Variants in EZH1 observed in about 807,000 individuals in gnomAD.
The protein encoded by EZH1 is enhancer of zeste 1 polycomb repressive complex 2 subunit, also known as histone-lysine N-methyltransferase EZH1.
EZH1 carries 33 observed loss-of-function variants against 100.5 expected under a neutral mutation model. The ratio of observed to expected loss-of-function variants is 0.33; its 90% CI spans 0.25 to 0.44. EZH1 has a LOEUF of 0.44. Among genes scored for constraint, EZH1 ranks in the 20% least tolerant of loss-of-function variants. The probability of loss-of-function intolerance (pLI) is 1.00; values close to 1 mark genes in which losing one functional copy is unlikely to be tolerated. For synonymous variants in EZH1, 272 were observed against 313.8 expected, an observed-to-expected ratio of 0.87 and a Z score of 1.41; for missense variants, 475 against 928.4, an observed-to-expected ratio of 0.51 and a Z score of 6.35.
At chr17:42,736,722 T>C (rs950713522) in intron 1 of EZH1, among the ~76,000 whole-genome samples, 3 of 151,446 alleles carry the variant, frequency 2.0e-5, no homozygotes, top group African/African-American at 7.3e-5. Flanking sequence ...TAGTCTCAGC[T>C]GCTTGGAGGC....
intron 1 of EZH1, among the ~76,000 whole-genome samples, chr17:42,738,456 T>TTTG (rs2054110667): frequency 6.6e-6 from 1 of 151,322 alleles, no homozygotes; most frequent in Non-Finnish European, 1.5e-5. Context: ...TTTGTATTTA[T>TTTG]TATTATTTTT....
chr17:42,703,564 G>T, intron 19 of EZH1, 176 bp downstream of exon 19: 1 of 607,132 alleles, frequency 1.6e-6, no homozygotes. Context: ...TGTATTCGCT[G>T]AAAAAAGCAG....
chr17:42,730,797 AG>A, intron 2 of EZH1, 30 bp downstream of exon 2: 3 of 964,772 alleles, frequency 3.1e-6, no homozygotes, highest in Non-Finnish European at 3.7e-6. Flanking sequence ...CGCCCGGCCA[AG>A]AAGTATGTAT....
In EZH1 at chr17:42,713,375, C is replaced by A. The variant is rs2053527809; in HGVS notation, c.1038G>T (p.Glu346Asp). 1 of 1,599,956 alleles carries A rather than the reference C, an allele frequency of 6.3e-7. No homozygotes were observed. ...DCFLLLEGAKEYAMLHNPRSK... is the reference protein window; with the variant it reads ...DCFLLLEGAKDYAMLHNPRSK... ...AGCGGGGGTTGTGGAGCATGGCATA[C>A]TCCTTTGCTCCTTCCTGCAGTGGAC... The change falls in exon 11 of 21, where the codon GAG (glutamate) becomes GAT (aspartate). Residue 346 changes from glutamate (E) to aspartate (D), a missense_variant. By Grantham distance (45) the Glu-to-Asp change is conservative (BLOSUM62 2). Coordinates refer to ENST00000428826, the MANE Select transcript of EZH1 (RefSeq NM_001991.5).
chr17:42,709,952 C>A lies in EZH1; in HGVS notation c.1402-15G>T. 4.3e-6 allele frequency: 7 copies of A among 1,613,340 alleles called. No individual in the cohort carries two copies. Among genetic ancestry groups the A allele is most frequent in the Non-Finnish European group, 5.9e-6 (7 of 1,179,312 alleles). ...AACTGAAAGACCTGGAAGAGAAATC[C>A]AACGGGCCTGTCACTCCTCGAGCAA... is the stretch of plus-strand genomic sequence containing the variant. On this transcript the variant is annotated splice_polypyrimidine_tract_variant and intron_variant, in intron 12 of 20. Coordinates refer to ENST00000428826, the MANE Select transcript of EZH1 (RefSeq NM_001991.5).
chr17:42,707,967 TG>T lies in EZH1; in HGVS notation c.1650del (p.Cys550Ter). 1 of 1,613,242 alleles carries T rather than the reference TG, an allele frequency of 6.2e-7. No homozygotes were observed. Among genetic ancestry groups the T allele is most frequent in the Non-Finnish European group, 8.5e-7 (1 of 1,179,852 alleles). ...AACGTAGCACACTTACAGTCTGGGT[TG>T]CACTGGCAGAACTTCTCACAGAAAT... is the stretch of plus-strand genomic sequence containing the variant. ...TQNFCEKFCQ[C>X]NPDCQNRFPG... On this transcript the variant is annotated frameshift_variant, in exon 15 of 21. Coordinates refer to ENST00000428826, the MANE Select transcript of EZH1 (RefSeq NM_001991.5). LOFTEE classifies it high-confidence loss of function.
chr17:42,704,941 C>T (rs758637753), intron 17 of EZH1, 147 bp downstream of exon 17: 3 of 700,034 alleles, frequency 4.3e-6, no homozygotes, highest in Admixed American at 2.7e-5. Context: ...GTACTGCAAA[C>T]GGTTCTGTGG....
intron 10 of EZH1, chr17:42,714,437 C>T (rs2053549813): frequency 1.5e-5 from 5 of 334,452 alleles, no homozygotes; most frequent in Non-Finnish European, 3.0e-5. Context: ...CTGCATGTGG[C>T]GTGTGCCCAG....
intron 13 of EZH1, among the ~76,000 whole-genome samples, chr17:42,709,356 G>C (rs940020466): frequency 2.0e-5 from 3 of 152,222 alleles, no homozygotes; most frequent in Non-Finnish European, 2.9e-5. Context: ...TCTGTATCTA[G>C]AAGTGGTGTC....
Position 42,719,018 on chromosome 17 carries a change from A to G in EZH1, c.767+87T>C, listed in dbSNP as rs1481064436. 3.0e-6 allele frequency: 3 copies of G among 1,002,296 alleles called. No individual in the cohort carries two copies. The African/African-American group carries it at 4.8e-5, about 16-fold the overall frequency. The allele number at this position is 1,002,296 out of a possible 1,614,324, so 62.1% of individuals were successfully genotyped here. A position where few individuals can be genotyped will look rare whatever the true frequency, so the allele number is the denominator to read the frequency against. On this transcript the variant is annotated intron_variant, in intron 8 of 20. Transcript: ENST00000428826. ...AATCATAATGCCCTTACCATAAACA[A>G]AGCTTTTTACTAACCAAAAATTAGG...
In EZH1 at chr17:42,702,771, C is replaced by T; in HGVS notation, c.2183+106G>A. On this transcript the variant is annotated intron_variant, in intron 20 of 20. Coordinates refer to ENST00000428826, the MANE Select transcript of EZH1 (RefSeq NM_001991.5). The stretch of plus-strand genomic sequence containing the variant: ...GGACACAGCCTTATTCACCGGGAGA[C>T]TCTCTCCTCCATCTCCATTACCCTC... 3 of 1,336,476 alleles carry T rather than the reference C, an allele frequency of 2.2e-6. No homozygotes were observed. The South Asian group carries it at 3.6e-5, about 16-fold the overall frequency. 82.8% of individuals were successfully genotyped at this position (1,336,476 alleles called of 1,614,324 possible).
In EZH1 at chr17:42,718,362, G is replaced by T; in HGVS notation, c.931+92C>A. The stretch of plus-strand genomic sequence containing the variant: ...TGTAAAACGTTAGAACAGAAGCCAG[G>T]AACTCTATACGAGAAACCAGAACAA... On this transcript the variant is annotated intron_variant, in intron 9 of 20. Coordinates refer to ENST00000428826, the MANE Select transcript of EZH1 (RefSeq NM_001991.5). This position sits in a 1 kb window ranked among gnomAD's most constrained non-coding sequence, Gnocchi z 4.2. 4.6e-6 allele frequency: 7 copies of T among 1,509,236 alleles called. No homozygotes were observed. Among genetic ancestry groups the T allele is most frequent in the Admixed American group, 2.0e-5 (1 of 50,744 alleles). The allele number at this position is 1,509,236 out of a possible 1,614,324, so 93.5% of individuals were successfully genotyped here. A position where few individuals can be genotyped will look rare whatever the true frequency, so the allele number is the denominator to read the frequency against.
At chr17:42,742,284 G>A (rs561473527) in intron 1 of EZH1, among the ~76,000 whole-genome samples, 2 of 152,048 alleles carry the variant, frequency 1.3e-5, no homozygotes, top group South Asian at 4.2e-4. Context: ...TAGAATTATA[G>A]GTGTCCGCCA....
intron 6 of EZH1, among the ~76,000 whole-genome samples, chr17:42,721,177 T>C (rs943544118): frequency 4.6e-5 from 7 of 152,158 alleles, no homozygotes; most frequent in African/African-American, 1.7e-4. Context: ...TGTACTACAA[T>C]TTAGGAGGTC....
intron 4 of EZH1, among the ~76,000 whole-genome samples, chr17:42,725,884 C>T (rs11657684): frequency 0.66 from 101,039 of 151,954 alleles, 34,976 homozygotes; most frequent in African/African-American, 0.88. Context: ...ATCTGCTTTT[C>T]GTTTTTTGTT....
intron 8 of EZH1, 31 bp downstream of exon 8, chr17:42,719,074 T>C (rs2053658292): frequency 1.3e-6 from 2 of 1,547,768 alleles, no homozygotes; most frequent in Non-Finnish European, 8.9e-7. Flanking sequence ...GAGCACTCTG[T>C]ATATGGCCTA....
intron 7 of EZH1, among the ~76,000 whole-genome samples, 164 bp downstream of exon 7, chr17:42,720,109 A>T (rs997609633): frequency 1.3e-5 from 2 of 152,204 alleles, no homozygotes; most frequent in Admixed American, 6.6e-5. Context: ...TTCTTCACCC[A>T]AGTCACAGCT....
At chr17:42,743,234 A>C (rs1242788350) in intron 1 of EZH1, among the ~76,000 whole-genome samples, 2 of 139,860 alleles carry the variant, frequency 1.4e-5, no homozygotes, top group Non-Finnish European at 3.0e-5. Flanking sequence ...GCAGTGGTGC[A>C]ATCTCGGCTC....
At chr17:42,738,101 A>G (rs962214124) in intron 1 of EZH1, among the ~76,000 whole-genome samples, 11 of 150,688 alleles carry the variant, frequency 7.3e-5, no homozygotes, top group Non-Finnish European at 1.5e-4. Context: ...GCGTGAACCC[A>G]GGAGGCGGAG....
Sources: gnomAD v4.1 joint callset for allele counts (sites outside exome capture counted in the v4.1 genomes callset) on GRCh38, gnomAD v4.1.1 for gene constraint, Gnocchi (gnomAD v3.1) non-coding constraint, MANE v1.5 for transcripts, NCBI Gene and HGNC (gene_info 2026-07-23, HGNC 2026-07-21) for gene names.